SLC6A5: variants seen among roughly 807,000 people sequenced by gnomAD.
SLC6A5 encodes solute carrier family 6 member 5.
In SLC6A5, 58 loss-of-function variants were observed where a neutral mutation model predicts 90.5. The ratio of observed to expected loss-of-function variants is 0.64; its 90% CI spans 0.52 to 0.80. SLC6A5 has a LOEUF of 0.80. SLC6A5 is among the 30% of genes least tolerant of loss of function. The pLI is 0.00. For synonymous variants in SLC6A5, 427 were observed against 401.4 expected (o/e 1.06, Z -0.76); for missense variants, 1,015 against 1,017.6 (o/e 1.00, Z 0.03).
At chr11:20,626,686 C>T (rs776917113) in intron 7 of SLC6A5, 22 bp from the exon 8 acceptor site, 9 of 1,613,676 alleles carry the variant, frequency 5.6e-6, no homozygotes, top group Middle Eastern at 3.3e-4. Context: ...TCTTCCAGCC[C>T]CTCTGCCCAT....
At chr11:20,617,988 T>C (rs1330536402) in intron 7 of SLC6A5, 104 bp downstream of exon 7, 15 of 1,173,440 alleles carry the variant, frequency 1.3e-5, no homozygotes, top group African/African-American at 4.5e-5. Context: ...CTGTGGATGC[T>C]AATTCTGACT....
chr11:20,607,403 C>A lies in SLC6A5; in HGVS notation c.812-76C>A, dbSNP rs878988116. 3.0e-5 allele frequency: 46 copies of A among 1,540,026 alleles called. No individual in the cohort carries two copies. In the African/African-American group the frequency reaches 5.9e-4, roughly 20 times the overall value. On this transcript the variant is annotated intron_variant, in intron 4 of 15. Coordinates refer to ENST00000525748, the MANE Select transcript of SLC6A5 (RefSeq NM_004211.5). ...TGTACAAGAGAGCCTAGACCTAGGT[C>A]CCCACCCTATGCCCAACTCTAAGAA...
intron 3 of SLC6A5, 142 bp downstream of exon 3, chr11:20,604,566 C>T: frequency 1.0e-6 from 1 of 988,422 alleles, no homozygotes; most frequent in Non-Finnish European, 1.5e-6. Flanking sequence ...ACCTCGTAGG[C>T]TTGAGTGCAT....
Position 20,658,621 on chromosome 11 carries a change from A to G in SLC6A5, c.*3753A>G, listed in dbSNP as rs1000088483. 1.3e-5 allele frequency: 2 copies of G among 152,214 alleles called. No individual in the cohort carries two copies. The highest frequency in any genetic ancestry group is 2.9e-5 in the Non-Finnish European group (2 of 68,036). The allele number at this position is 152,214 out of a possible 1,614,324, so 9.4% of individuals were successfully genotyped here. ...TTCCCAGATTTTGCTTTAATTGCCC[A>G]GAAAGGCCAAGTAGTTTTGAAATGT... On this transcript the variant is annotated 3_prime_UTR_variant, in exon 16 of 16. Coordinates refer to ENST00000525748, the MANE Select transcript of SLC6A5 (RefSeq NM_004211.5).
chr11:20,612,931 C>T (rs1459675875), intron 5 of SLC6A5, among the ~76,000 whole-genome samples: 2 of 152,200 alleles, frequency 1.3e-5, no homozygotes, highest in Non-Finnish European at 2.9e-5. Context: ...TTTGCCACAA[C>T]ATCTGGAAAA....
At chr11:20,638,311 G>A (rs1853248118) in intron 12 of SLC6A5, 148 bp from the exon 13 acceptor site, 1 of 686,018 alleles carries the variant, frequency 1.5e-6, no homozygotes. Flanking sequence ...ACCAGGTGTA[G>A]GTTACTGCTA....
In SLC6A5 at chr11:20,630,694, C is replaced by T; in HGVS notation, c.1503C>T (p.Asp501=). 6.2e-7 allele frequency: 1 copy of T among 1,614,222 alleles called. No individual in the cohort carries two copies. Among genetic ancestry groups the T allele is most frequent in the Non-Finnish European group, 8.5e-7 (1 of 1,180,016 alleles). The change falls in exon 10 of 16, where the codon GAC becomes GAT. Residue 501 remains aspartate (D), a synonymous_variant. Coordinates refer to ENST00000525748, the MANE Select transcript of SLC6A5 (RefSeq NM_004211.5). ...YNKFHNNCYR[D]TLIVTCTNSA... ...AACTCTGGTCTCTTCCTTCCAGGGACACTCTAATTGTCACCTGCACCAACA... is the reference window on the plus strand; with the variant it reads ...AACTCTGGTCTCTTCCTTCCAGGGATACTCTAATTGTCACCTGCACCAACA...
chr11:20,604,330 C>T lies in SLC6A5; in HGVS notation c.585C>T (p.Ser195=). ...GDENKARGNW[S]SKLDFILSMV... is the part of the protein sequence containing the mutation. ...AGAATAAGGCCCGAGGGAACTGGTC[C>T]AGCAAACTGGACTTCATCCTGTCCA... The change falls in exon 3 of 16, where the codon TCC becomes TCT. Residue 195 remains serine, a synonymous_variant. Transcript: ENST00000525748. 1 of 1,613,894 alleles carries T rather than the reference C, an allele frequency of 6.2e-7. No homozygotes were observed. The highest frequency in any genetic ancestry group is 8.5e-7 in the Non-Finnish European group (1 of 1,179,854).
chr11:20,636,855 T>C (rs954132274), intron 11 of SLC6A5, among the ~76,000 whole-genome samples: 1 of 152,020 alleles, frequency 6.6e-6, no homozygotes, highest in Admixed American at 6.6e-5. Flanking sequence ...GAAGAGCAAA[T>C]GCAAGGTAAA....
chr11:20,605,894 G>T (rs1007186945), intron 3 of SLC6A5, among the ~76,000 whole-genome samples: 7 of 152,324 alleles, frequency 4.6e-5, no homozygotes, highest in Admixed American at 3.9e-4. Context: ...CGGTTTTACT[G>T]CCCAGCAGCC....
chr11:20,629,560 C>T (rs186856095), intron 9 of SLC6A5, among the ~76,000 whole-genome samples: 72 of 152,174 alleles, frequency 4.7e-4, no homozygotes, highest in Non-Finnish European at 8.2e-4. Context: ...TATGATATTT[C>T]GGTACATGTA....
chr11:20,634,584 CTTG>C (rs1235105179), intron 10 of SLC6A5, among the ~76,000 whole-genome samples: 1 of 152,218 alleles, frequency 6.6e-6, no homozygotes, highest in African/African-American at 2.4e-5. Flanking sequence ...AACTGACTTC[CTTG>C]TTGTTCTGCA....
chr11:20,626,606 T>G lies in SLC6A5; in HGVS notation c.1261-102T>G, dbSNP rs549015101. 4.6e-6 allele frequency: 6 copies of G among 1,311,974 alleles called. No individual in the cohort carries two copies. The South Asian group carries it at 7.2e-5, about 16-fold the overall frequency. The allele number at this position is 1,311,974 out of a possible 1,614,324, so 81.3% of individuals were successfully genotyped here. On this transcript the variant is annotated intron_variant, in intron 7 of 15. Transcript: ENST00000525748. ...TGGGGACAACTACCCTGATGTGCTC[T>G]CTGTCATGCGCAGCCCCACTCTTCC...
At chr11:20,619,946 A>G (rs1342162382) in intron 7 of SLC6A5, among the ~76,000 whole-genome samples, 1 of 152,020 alleles carries the variant, frequency 6.6e-6, no homozygotes, top group Non-Finnish European at 1.5e-5. Flanking sequence ...TGTTAACTTG[A>G]CCCTTATGAC....
chr11:20,634,262 C>T (rs1396388825), intron 10 of SLC6A5, among the ~76,000 whole-genome samples: 3 of 152,202 alleles, frequency 2.0e-5, no homozygotes, highest in African/African-American at 4.8e-5. Context: ...AGAACTTGGC[C>T]TTCATCAGAC....
intron 6 of SLC6A5, among the ~76,000 whole-genome samples, chr11:20,617,398 A>G (rs1257310792): frequency 6.6e-6 from 1 of 152,204 alleles, no homozygotes; most frequent in African/African-American, 2.4e-5. Flanking sequence ...AAACACACAA[A>G]AATCACCCTT....
intron 10 of SLC6A5, among the ~76,000 whole-genome samples, chr11:20,634,182 A>C (rs1853160768): frequency 6.6e-6 from 1 of 152,022 alleles, no homozygotes; most frequent in African/African-American, 2.4e-5. Flanking sequence ...CAGTTTTTTA[A>C]TCCATGAGGA....
intron 13 of SLC6A5, among the ~76,000 whole-genome samples, chr11:20,641,195 C>G (rs2133813424): frequency 6.6e-6 from 1 of 152,248 alleles, no homozygotes; most frequent in South Asian, 2.1e-4. Flanking sequence ...GGAGCCAGTA[C>G]AGGGGCCTTT....
At chr11:20,614,195 G>A (rs1201745146) in intron 5 of SLC6A5, among the ~76,000 whole-genome samples, 1 of 152,176 alleles carries the variant, frequency 6.6e-6, no homozygotes, top group Admixed American at 6.5e-5. Context: ...CAGGGGGTCT[G>A]CTTATTTTCT....
Sources: allele counts gnomAD v4.1 joint callset (sites outside exome capture counted in the v4.1 genomes callset), GRCh38; gene constraint gnomAD v4.1.1; transcripts MANE v1.5; gene names NCBI Gene and HGNC (gene_info 2026-07-23, HGNC 2026-07-21).